CNTN1: variants seen among roughly 807,000 people sequenced by gnomAD.
CNTN1 encodes contactin-1.
A neutral mutation model predicts 126.4 loss-of-function variants in CNTN1; 38 were observed. The observed-to-expected ratio is 0.30, with a 90% confidence interval of 0.23 to 0.39. The LOEUF (loss-of-function observed/expected upper bound fraction) is 0.39, where lower values mean the gene tolerates loss of function less well. Among genes scored for constraint, CNTN1 ranks in the 10% least tolerant of loss-of-function variants. The pLI is 1.00. For synonymous variants in CNTN1, 413 were observed against 422.6 expected (o/e 0.98, Z 0.28); for missense variants, 1,009 against 1,248.4 (o/e 0.81, Z 2.89).
rs1404355742 is a variant in CNTN1 at position 41,070,068 on chromosome 12, C to G, written c.*33C>G. 2 of 1,584,380 alleles carry G rather than the reference C, an allele frequency of 1.3e-6. No individual in the cohort carries two copies. Among genetic ancestry groups the G allele is most frequent in the South Asian group, 2.2e-5 (2 of 90,496 alleles). Reference sequence around the variant, plus strand: ...GTGACAGCTGCTGTTCCCATCCCAGCTCAGAAGACACCCTTCAACCCTGGG... The same window carrying G: ...GTGACAGCTGCTGTTCCCATCCCAGGTCAGAAGACACCCTTCAACCCTGGG... On this transcript the variant is annotated 3_prime_UTR_variant, in exon 24 of 24. Transcript: ENST00000551295.
At chr12:40,958,832 T>C (rs1946994228) in intron 14 of CNTN1, among the ~76,000 whole-genome samples, 1 of 152,086 alleles carries the variant, frequency 6.6e-6, no homozygotes, top group South Asian at 2.1e-4. Flanking sequence ...ATCAATGAAA[T>C]AGTTTCATCC....
chr12:40,937,691 A>G lies in CNTN1; in HGVS notation c.1228+4A>G, dbSNP rs1183511907. 2.0e-6 allele frequency: 3 copies of G among 1,510,368 alleles called. No individual in the cohort carries two copies. The South Asian group carries it at 3.4e-5, about 17-fold the overall frequency. The allele number at this position is 1,510,368 out of a possible 1,614,324, so 93.6% of individuals were successfully genotyped here. A position where few individuals can be genotyped will look rare whatever the true frequency, so the allele number is the denominator to read the frequency against. ...AATGCTGAGTTGAAGATCTTGGGTCAGTATCATTTCTAATTTCTGTTAAAC... is the reference window on the plus strand; with the variant it reads ...AATGCTGAGTTGAAGATCTTGGGTCGGTATCATTTCTAATTTCTGTTAAAC... On this transcript the variant is annotated splice_donor_region_variant and intron_variant, in intron 11 of 23. Coordinates refer to ENST00000551295, the MANE Select transcript of CNTN1 (RefSeq NM_001843.4).
At chr12:40,954,553 A>G (rs1321488023) in intron 14 of CNTN1, among the ~76,000 whole-genome samples, 1 of 152,120 alleles carries the variant, frequency 6.6e-6, no homozygotes, top group Non-Finnish European at 1.5e-5. Context: ...TCTATTTAGT[A>G]TAAGAAGTTA....
At chr12:40,745,337 TA>T (rs1264034408) in intron 1 of CNTN1, among the ~76,000 whole-genome samples, 1 of 152,064 alleles carries the variant, frequency 6.6e-6, no homozygotes, top group Non-Finnish European at 1.5e-5. Flanking sequence ...GGCCCACAGC[TA>T]AGTTTTATAC....
At chr12:40,941,982 A>G (rs1592291433) in intron 12 of CNTN1, among the ~76,000 whole-genome samples, 1 of 152,274 alleles carries the variant, frequency 6.6e-6, no homozygotes, top group Admixed American at 6.6e-5. Flanking sequence ...CGAATGACAC[A>G]TGGAATTATG....
chr12:41,070,078 AC>A lies in CNTN1; in HGVS notation c.*46del. On this transcript the variant is annotated 3_prime_UTR_variant, in exon 24 of 24. Coordinates refer to ENST00000551295, the MANE Select transcript of CNTN1 (RefSeq NM_001843.4). ...CTGTTCCCATCCCAGCTCAGAAGACACCCTTCAACCCTGGGATGACCACAAT... is the reference window on the plus strand; with the variant it reads ...CTGTTCCCATCCCAGCTCAGAAGACACCTTCAACCCTGGGATGACCACAAT... The A allele has an allele frequency of 6.5e-7, 1 of 1,544,582 alleles. No individual in the cohort carries two copies. Among genetic ancestry groups the A allele is most frequent in the Non-Finnish European group, 8.9e-7 (1 of 1,117,518 alleles).
rs150321696 is a variant in CNTN1 at position 40,955,818 on chromosome 12, A to G, written c.1684-3296A>G. On this transcript the variant is annotated intron_variant, in intron 14 of 23. Transcript: ENST00000551295. The stretch of plus-strand genomic sequence containing the variant: ...AACTAATCCAGCCTTACAATTTCAG[A>G]TATGGGAGGGGTATCCAAAATGTGG... Among the ~76,000 whole-genome samples, 296 of 152,260 alleles carry G rather than the reference A, an allele frequency of 1.9e-3. 1 individual carries two copies. Among genetic ancestry groups the G allele is most frequent in the African/African-American group, 6.7e-3 (279 of 41,576 alleles).
chr12:40,816,774 G>A (rs992952612), intron 1 of CNTN1, among the ~76,000 whole-genome samples: 2 of 152,020 alleles, frequency 1.3e-5, no homozygotes, highest in Admixed American at 1.3e-4. Flanking sequence ...TCTGATGTGG[G>A]CATTTAGTGC....
chr12:40,698,228 ATTTTT>A (rs35570862), intron 1 of CNTN1, among the ~76,000 whole-genome samples: 1 of 69,884 alleles, frequency 1.4e-5, no homozygotes, highest in African/African-American at 5.8e-5. Context: ...CAGCCACTTA[ATTTTT>A]TTTTTTTTTT....
At chr12:41,060,792 A>T (rs12821567) in intron 23 of CNTN1, among the ~76,000 whole-genome samples, 5,171 of 152,278 alleles carry the variant, frequency 0.034, 119 homozygotes, top group Middle Eastern at 0.11. Context: ...AATTCTATGT[A>T]TTCTATAGAA....
At chr12:40,704,494 C>T (rs1941684749) in intron 1 of CNTN1, among the ~76,000 whole-genome samples, 1 of 152,036 alleles carries the variant, frequency 6.6e-6, no homozygotes, top group Admixed American at 6.6e-5. Context: ...ATCTTTTTCA[C>T]AGCTTCTTTG....
intron 14 of CNTN1, among the ~76,000 whole-genome samples, chr12:40,946,318 C>T (rs1946432309): frequency 6.6e-6 from 1 of 152,092 alleles, no homozygotes; most frequent in Admixed American, 6.6e-5. Context: ...AGATCATTCT[C>T]AGAATTAGTG....
intron 1 of CNTN1, among the ~76,000 whole-genome samples, chr12:40,814,811 G>T (rs767961529): frequency 6.6e-6 from 1 of 152,100 alleles, no homozygotes; most frequent in African/African-American, 2.4e-5. Flanking sequence ...TCACGATATT[G>T]ATTCTGCCTA....
At chr12:40,697,744 A>G (rs1038466129) in intron 1 of CNTN1, among the ~76,000 whole-genome samples, 4 of 152,212 alleles carry the variant, frequency 2.6e-5, no homozygotes, top group African/African-American at 7.2e-5. Flanking sequence ...CTGGGGACAC[A>G]TAAAATCCAC....
At chr12:40,883,161 T>C (rs534848652) in intron 1 of CNTN1, among the ~76,000 whole-genome samples, 19 of 151,752 alleles carry the variant, frequency 1.3e-4, no homozygotes, top group Non-Finnish European at 2.5e-4. Context: ...GGGAGGGGTA[T>C]GTTTTTAGAT....
At chr12:40,694,013 A>C (rs1941379449) in intron 1 of CNTN1, among the ~76,000 whole-genome samples, 2 of 152,192 alleles carry the variant, frequency 1.3e-5, no homozygotes, top group Non-Finnish European at 2.9e-5. Context: ...TCGGTTTCTA[A>C]GTGTACATAT....
At chr12:40,742,777 C>G (rs1488463425) in intron 1 of CNTN1, among the ~76,000 whole-genome samples, 1 of 152,044 alleles carries the variant, frequency 6.6e-6, no homozygotes, top group African/African-American at 2.4e-5. Flanking sequence ...AAAAGTGATT[C>G]ATGGTGCTAT....
At chr12:40,804,446 G>C (rs2136490099) in intron 1 of CNTN1, among the ~76,000 whole-genome samples, 1 of 152,092 alleles carries the variant, frequency 6.6e-6, no homozygotes, top group Non-Finnish European at 1.5e-5. Context: ...TCAAGAGACT[G>C]TATGTTTGAA....
At chr12:41,009,734 C>T (rs1321373016) in intron 17 of CNTN1, among the ~76,000 whole-genome samples, 2 of 152,174 alleles carry the variant, frequency 1.3e-5, no homozygotes, top group Non-Finnish European at 2.9e-5. Context: ...TTCCTAGCCT[C>T]TGGCTTCAGT....
Sources: gnomAD v4.1 joint callset for allele counts (sites outside exome capture counted in the v4.1 genomes callset) on GRCh38, gnomAD v4.1.1 for gene constraint, MANE v1.5 for transcripts, NCBI Gene and HGNC (gene_info 2026-07-23, HGNC 2026-07-21) for gene names.